The following GOLGA3 variants were observed in gnomAD, a reference collection of about 807,000 sequenced individuals.
GOLGA3 encodes the protein golgin subfamily A member 3.
In GOLGA3, 75 loss-of-function variants were observed where a neutral mutation model predicts 169.4. The observed-to-expected ratio is 0.44, with a 90% CI of 0.37 to 0.54. The LOEUF (loss-of-function observed/expected upper bound fraction) is 0.54. Ranked by LOEUF, GOLGA3 falls within the 20% of genes least tolerant of loss-of-function variation. GOLGA3 has a pLI of 0.00. For missense variants in GOLGA3, 1,899 were observed against 1,930.0 expected, an observed-to-expected ratio of 0.98 and a Z score of 0.30; for synonymous variants, 824 against 822.4, an observed-to-expected ratio of 1.00 and a Z score of -0.03.
rs201070742 is a variant in GOLGA3, at chr12:132,804,808, T to C, written c.1505A>G (p.Asn502Ser). The change falls in exon 7 of 24, where the codon AAC becomes AGC. Residue 502 changes from asparagine (N) to serine (S), a missense_variant. Asn to Ser is a conservative substitution (Grantham distance 46, BLOSUM62 1). Coordinates refer to ENST00000450791, the MANE Select transcript of GOLGA3 (RefSeq NM_001389683.1). The surrounding 1 kb of genome is among the most constrained non-coding windows in gnomAD (Gnocchi z 4.1). The part of the protein sequence containing the change: ...EAKNASLASS[N>S]NDLQVAEEQY... ...CTCCTCGGCCACCTGCAAGTCGTTG[T>C]TGGACGACGCCAGGCTGGCATTTTT... The C allele has an allele frequency of 1.5e-5, 24 of 1,614,232 alleles. No individual in the cohort carries two copies. Among genetic ancestry groups the C allele is most frequent in the Middle Eastern group, 1.6e-4 (1 of 6,062 alleles).
In GOLGA3 at chr12:132,807,136, G is replaced by A. The variant is rs149336460; in HGVS notation, c.1290+41C>T. On this transcript the variant is annotated intron_variant, in intron 6 of 23. Coordinates refer to ENST00000450791, the MANE Select transcript of GOLGA3 (RefSeq NM_001389683.1). ...AACAGAGGAGCCACACATGCTTTCC[G>A]ACTTCGCCGCACGCTGAGATGTCAG... is the stretch of plus-strand genomic sequence containing the variant. 6.6e-5 allele frequency: 83 copies of A among 1,256,698 alleles called. No homozygotes were observed. The African/African-American group carries it at 8.2e-4, about 12-fold the overall frequency. 77.8% of individuals were successfully genotyped at this position (1,256,698 alleles called of 1,614,324 possible).
intron 11 of GOLGA3, among the ~76,000 whole-genome samples, chr12:132,794,216 G>A (rs1381276958): frequency 6.6e-6 from 1 of 152,104 alleles, no homozygotes; most frequent in Admixed American, 6.6e-5. Context: ...AGATGCCTAG[G>A]GAATGCAGTG....
In GOLGA3 at chr12:132,804,965, G is replaced by A; in HGVS notation, c.1348C>T (p.Gln450Ter). The A allele has an allele frequency of 6.2e-7, 1 of 1,612,838 alleles. No homozygotes were observed. The highest frequency in any genetic ancestry group is 8.5e-7 in the Non-Finnish European group (1 of 1,179,898). ...CTGTGGCTGCACTCCACCTGCGCCTGCAGCTTCGTGCTGAGGGCGGCCAGC... is the reference window on the plus strand; with the variant it reads ...CTGTGGCTGCACTCCACCTGCGCCTACAGCTTCGTGCTGAGGGCGGCCAGC... ...AQLAALSTKLQAQVECSHSSQ... is the reference protein window; with the variant it reads ...AQLAALSTKL The change falls in exon 7 of 24, where the codon CAG becomes TAG. Residue 450 changes from glutamine (Q) to a stop codon, truncating the protein, a stop_gained. Transcript: ENST00000450791. LOFTEE classifies it high-confidence loss of function. This position sits in a 1 kb window ranked among gnomAD's most constrained non-coding sequence, Gnocchi z 4.1.
chr12:132,804,859 G>C lies in GOLGA3; in HGVS notation c.1454C>G (p.Thr485Ser), dbSNP rs758930356. 19 of 1,614,038 alleles carry C rather than the reference G, an allele frequency of 1.2e-5. No homozygotes were observed. Among genetic ancestry groups the C allele is most frequent in the Non-Finnish European group, 1.6e-5 (19 of 1,180,032 alleles). Residue 485 changes from threonine to serine, a missense_variant, in exon 7 of 24, where the codon ACT becomes AGT. Coordinates refer to ENST00000450791, the MANE Select transcript of GOLGA3 (RefSeq NM_001389683.1). This position sits in a 1 kb window ranked among gnomAD's most constrained non-coding sequence, Gnocchi z 4.1. ...TGCCTCCAGCATGTTCTGCAGGTCA[G>C]TCATGGCTCGCTCCAGGTCCCAGCA... ...QSCWDLERAM[T>S]DLQNMLEAKN...
intron 13 of GOLGA3, 71 bp downstream of exon 13, chr12:132,788,956 G>GGCCTC: frequency 2.0e-6 from 1 of 493,276 alleles, no homozygotes; most frequent in Non-Finnish European, 3.0e-6. Flanking sequence ...CCCAGACACA[G>GGCCTC]GCCCCACCCT....
chr12:132,828,150 GA>G (rs1440673547), intron 1 of GOLGA3, among the ~76,000 whole-genome samples: 2 of 152,126 alleles, frequency 1.3e-5, no homozygotes, highest in Non-Finnish European at 2.9e-5. Flanking sequence ...CCTTAGCACG[GA>G]AGTCGCCCGC....
intron 13 of GOLGA3, among the ~76,000 whole-genome samples, chr12:132,787,648 C>T (rs1442511286): frequency 5.9e-5 from 7 of 118,576 alleles, no homozygotes; most frequent in Non-Finnish European, 1.9e-5. Flanking sequence ...CCACGGGACC[C>T]CTCCCCGGAG....
rs1387164626 is a variant in GOLGA3, at chr12:132,808,193, G to A, written c.876C>T (p.Asp292=). ...AGGTGTTCTCCAGACGGTCGTCAGT[G>A]TCGGGGGACAGGCTGATCTCAGACA... is the stretch of plus-strand genomic sequence containing the variant. ...SVVSEISLSP[D]TDDRLENTSL... is the part of the protein sequence containing the mutation. Residue 292 remains aspartate (D), a synonymous_variant, in exon 5 of 24, where the codon GAC becomes GAT. Transcript: ENST00000450791. 1.2e-6 allele frequency: 2 copies of A among 1,613,636 alleles called. No homozygotes were observed. Among genetic ancestry groups the A allele is most frequent in the South Asian group, 1.1e-5 (1 of 91,072 alleles).
intron 18 of GOLGA3, among the ~76,000 whole-genome samples, chr12:132,778,390 G>T (rs959644458): frequency 2.6e-5 from 4 of 152,002 alleles, no homozygotes; most frequent in Admixed American, 6.6e-5. Flanking sequence ...GCTAACACGG[G>T]GAAACCCCGT....
intron 21 of GOLGA3, among the ~76,000 whole-genome samples, chr12:132,776,336 AG>A (rs1189215848): frequency 8.4e-6 from 1 of 119,494 alleles, no homozygotes; most frequent in Non-Finnish European, 1.9e-5. Context: ...CAGCTGCTGT[AG>A]CCCCTCCAGC....
rs1243612535 is a variant in GOLGA3, at chr12:132,804,558, A to G, written c.1597+158T>C. ...AGGAGGGCGTGGCGGGGACCAGTCGAGGAAGGAGGGAGCAGCGGGGACCAG... is the reference window on the plus strand; with the variant it reads ...AGGAGGGCGTGGCGGGGACCAGTCGGGGAAGGAGGGAGCAGCGGGGACCAG... On this transcript the variant is annotated intron_variant, in intron 7 of 23. Coordinates refer to ENST00000450791, the MANE Select transcript of GOLGA3 (RefSeq NM_001389683.1). This position sits in a 1 kb window ranked among gnomAD's most constrained non-coding sequence, Gnocchi z 4.1. Among the ~76,000 whole-genome samples, 1 of 149,432 alleles carries G rather than the reference A, an allele frequency of 6.7e-6. No homozygotes were observed. Among genetic ancestry groups the G allele is most frequent in the African/African-American group, 2.5e-5 (1 of 40,350 alleles).
In GOLGA3 at chr12:132,769,223, C is replaced by T. The variant is rs12282; in HGVS notation, c.*3882G>A. On this transcript the variant is annotated 3_prime_UTR_variant, in exon 24 of 24. Transcript: ENST00000450791. ...GAGCTCAGAACACCTCACACCACAG[C>T]GTCACTCAACTCAAGTCCCTCCTCA... is the stretch of plus-strand genomic sequence containing the variant. The T allele has an allele frequency of 0.11, 16,209 of 151,746 alleles. 1,024 individuals are homozygous for T. The highest frequency in any genetic ancestry group is 0.16 in the South Asian group (780 of 4,808). The allele number at this position is 151,746 out of a possible 1,614,324, so 9.4% of individuals were successfully genotyped here.
chr12:132,794,380 C>T (rs572404814), intron 11 of GOLGA3, among the ~76,000 whole-genome samples: 7 of 151,884 alleles, frequency 4.6e-5, no homozygotes, highest in South Asian at 2.1e-4. Flanking sequence ...GTGCACATTC[C>T]GACAAGGCCA....
chr12:132,806,559 C>G (rs1654559164), intron 6 of GOLGA3, among the ~76,000 whole-genome samples: 1 of 152,246 alleles, frequency 6.6e-6, no homozygotes, highest in Non-Finnish European at 1.5e-5. Flanking sequence ...TGCTCTGCGG[C>G]CTCGCAGGCC....
At chr12:132,809,445 C>G (rs534837577) in intron 4 of GOLGA3, among the ~76,000 whole-genome samples, 169 of 150,700 alleles carry the variant, frequency 1.1e-3, no homozygotes, top group Middle Eastern at 3.4e-3. Context: ...CGCCCCCCCG[C>G]CCCCCGGTTC....
chr12:132,796,053 C>A lies in GOLGA3; in HGVS notation c.2268G>T (p.Glu756Asp), dbSNP rs1412433267. ...CCCTGGAGGCGGCCTCGCCCTGCAG[C>A]TCCCCCAGCCTGGCCTGCAGCTCAT... ...HYDELQARLG[E>D]LQGEAASRED... The change falls in exon 11 of 24, where the codon GAG (glutamate) becomes GAT (aspartate). Residue 756 changes from glutamate to aspartate, a missense_variant. Transcript: ENST00000450791. 6.2e-7 allele frequency: 1 copy of A among 1,612,610 alleles called. No individual in the cohort carries two copies. Among genetic ancestry groups the A allele is most frequent in the Admixed American group, 1.7e-5 (1 of 60,004 alleles).
chr12:132,816,972 C>A (rs1949985476), intron 2 of GOLGA3, among the ~76,000 whole-genome samples, 160 bp from the exon 3 acceptor site: 1 of 152,128 alleles, frequency 6.6e-6, no homozygotes, highest in Non-Finnish European at 1.5e-5. Context: ...AGCCCATGGG[C>A]CCCGTCCCAC....
rs1566088141 is a variant in GOLGA3, at chr12:132,787,786, CGG to C, written c.2812-1001_2812-1000del. ...CCCCGGAGACCACGGGACCCCTCCCCGGAGACCACGGGACCCCTCCCCGGAGA... is the reference window on the plus strand; with the variant it reads ...CCCCGGAGACCACGGGACCCCTCCCCAGACCACGGGACCCCTCCCCGGAGA... On this transcript the variant is annotated intron_variant, in intron 13 of 23. Transcript: ENST00000450791. Among the ~76,000 whole-genome samples, 32 of 63,296 alleles carry C rather than the reference CGG, an allele frequency of 5.1e-4. 10 individuals carry two copies. The highest frequency in any genetic ancestry group is 1.4e-3 in the East Asian group (3 of 2,158). 41.5% of individuals were successfully genotyped at this position (63,296 alleles called of 152,430 possible).
At chr12:132,780,317 G>A (rs911712166) in intron 18 of GOLGA3, among the ~76,000 whole-genome samples, 1 of 152,182 alleles carries the variant, frequency 6.6e-6, no homozygotes, top group African/African-American at 2.4e-5. Context: ...TCTAACAGAG[G>A]AGCAGGGCCC....
Sources: gnomAD v4.1 joint callset for allele counts (sites outside exome capture counted in the v4.1 genomes callset) on GRCh38, gnomAD v4.1.1 for gene constraint, Gnocchi (gnomAD v3.1) non-coding constraint, MANE v1.5 for transcripts, NCBI Gene and HGNC (gene_info 2026-07-23, HGNC 2026-07-21) for gene names.